The following PCDHGA10 variants were observed in gnomAD, a reference collection of about 807,000 sequenced individuals.
PCDHGA10 encodes protocadherin gamma subfamily A, 10.
Under a neutral mutation model 59.5 loss-of-function variants are expected in PCDHGA10, and 42 were observed. The ratio of observed to expected loss-of-function variants is 0.71; its 90% CI spans 0.55 to 0.91. PCDHGA10 has a LOEUF of 0.91. Among genes scored for constraint, PCDHGA10 ranks in the 40% least tolerant of loss-of-function variants. The pLI is 0.00. For missense variants in PCDHGA10, 1,111 were observed against 1,198.2 expected, an observed-to-expected ratio of 0.93 and a Z score of 1.07; for synonymous variants, 511 against 517.2, an observed-to-expected ratio of 0.99 and a Z score of 0.16.
intron 1 of PCDHGA10, among the ~76,000 whole-genome samples, chr5:141,437,236 C>A (rs2154557405): frequency 6.6e-6 from 1 of 152,278 alleles, no homozygotes; most frequent in South Asian, 2.1e-4. Context: ...AAAATTATGT[C>A]AAGGACTTTC....
rs570982273 is a variant in PCDHGA10, at chr5:141,476,764, G to T, written c.2437-18043G>T. On this transcript the variant is annotated intron_variant, in intron 1 of 3. Coordinates refer to ENST00000398610, the MANE Select transcript of PCDHGA10 (RefSeq NM_018913.3). This position sits in a 1 kb window ranked among gnomAD's most constrained non-coding sequence, Gnocchi z 7.6. ...CTAGTCTCCAGTTAGTGCTGACGGC[G>T]TTGGACGGAGGGACCCCAGCTCTCT... 1.2e-5 allele frequency: 19 copies of T among 1,613,794 alleles called. No individual in the cohort carries two copies. In the East Asian group the frequency reaches 3.8e-4, roughly 32 times the overall value.
chr5:141,489,300 C>A lies in PCDHGA10; in HGVS notation c.2437-5507C>A. On this transcript the variant is annotated intron_variant, in intron 1 of 3. Coordinates refer to ENST00000398610, the MANE Select transcript of PCDHGA10 (RefSeq NM_018913.3). The surrounding 1 kb of genome is among the most constrained non-coding windows in gnomAD (Gnocchi z 4.5). ...AATGGCAAGTGCTGTGCATGTTGTC[C>A]TTGTGCTGCTGGGGCTGGGTGTCTG... 1 of 1,585,698 alleles carries A rather than the reference C, an allele frequency of 6.3e-7. No homozygotes were observed. Among genetic ancestry groups the A allele is most frequent in the South Asian group, 1.2e-5 (1 of 85,012 alleles).
At chr5:141,423,091 G>C (rs1243671863) in intron 1 of PCDHGA10, 11 of 1,613,908 alleles carry the variant, frequency 6.8e-6, no homozygotes, top group South Asian at 2.2e-5. Context: ...CGCGGTGGGG[G>C]AGCACACGGG....
chr5:141,430,580 G>A, intron 1 of PCDHGA10: 1 of 478,526 alleles, frequency 2.1e-6, no homozygotes, highest in Admixed American at 3.8e-5. Context: ...CGGAGATCCT[G>A]CTCGCCTTGC....
chr5:141,419,138 A>C, intron 1 of PCDHGA10: 1 of 1,613,920 alleles, frequency 6.2e-7, no homozygotes, highest in Non-Finnish European at 8.5e-7. Context: ...AGCCACAGAC[A>C]GGGGCAAGCC....
Position 141,431,529 on chromosome 5 carries a change from T to C in PCDHGA10, c.2436+15918T>C, listed in dbSNP as rs145601545. 166 of 1,614,074 alleles carry C rather than the reference T, an allele frequency of 1.0e-4. No individual in the cohort carries two copies. In the African/African-American group the frequency reaches 2.0e-3, roughly 19 times the overall value. On this transcript the variant is annotated intron_variant, in intron 1 of 3. Coordinates refer to ENST00000398610, the MANE Select transcript of PCDHGA10 (RefSeq NM_018913.3). The surrounding 1 kb of genome is among the most constrained non-coding windows in gnomAD (Gnocchi z 4.8). The stretch of plus-strand genomic sequence containing the variant: ...GCGAGCGTTCCGGAGAATCTGGCCT[T>C]GGGCACGCAGCTGCTTGTAGTCAAC...
chr5:141,433,374 T>A (rs948922353), intron 1 of PCDHGA10, among the ~76,000 whole-genome samples: 36 of 150,958 alleles, frequency 2.4e-4, no homozygotes, highest in African/African-American at 8.6e-4. Flanking sequence ...TATCTATCTA[T>A]CTATCTATCT....
Position 141,490,652 on chromosome 5 carries a change from C to T in PCDHGA10, c.2437-4155C>T, listed in dbSNP as rs1277273880. The T allele has an allele frequency of 1.2e-6, 2 of 1,614,208 alleles. No individual in the cohort carries two copies. The highest frequency in any genetic ancestry group is 1.7e-6 in the Non-Finnish European group (2 of 1,180,026). On this transcript the variant is annotated intron_variant, in intron 1 of 3. Coordinates refer to ENST00000398610, the MANE Select transcript of PCDHGA10 (RefSeq NM_018913.3). The surrounding 1 kb of genome is among the most constrained non-coding windows in gnomAD (Gnocchi z 5.4). ...ATCCTAGAAAACCGGCCTCCGGGCT[C>T]CCTTCTTTGCACTGTGGCTGCCTCA...
chr5:141,431,222 C>T lies in PCDHGA10; in HGVS notation c.2436+15611C>T. On this transcript the variant is annotated intron_variant, in intron 1 of 3. Transcript: ENST00000398610. The surrounding 1 kb of genome is among the most constrained non-coding windows in gnomAD (Gnocchi z 4.8). ...AGCCACTGAGATGCGGTTCCCTCTA[C>T]CCCACGCCTGGGATCCGGATATCGG... The T allele has an allele frequency of 6.2e-7, 1 of 1,614,170 alleles. No individual in the cohort carries two copies. Among genetic ancestry groups the T allele is most frequent in the South Asian group, 1.1e-5 (1 of 91,090 alleles).
At chr5:141,428,245 C>A in intron 1 of PCDHGA10, 1 of 948,140 alleles carries the variant, frequency 1.1e-6, no homozygotes, top group South Asian at 1.4e-5. Flanking sequence ...GGAGGCACTG[C>A]CAGACTTCAG....
intron 1 of PCDHGA10, among the ~76,000 whole-genome samples, chr5:141,462,027 TG>T (rs1239347302): frequency 6.6e-6 from 1 of 152,220 alleles, no homozygotes; most frequent in African/African-American, 2.4e-5. Flanking sequence ...TTCTTCATGT[TG>T]GTCAGGCGGG....
intron 2 of PCDHGA10, among the ~76,000 whole-genome samples, chr5:141,505,007 C>T (rs1210694913): frequency 6.6e-6 from 1 of 152,050 alleles, no homozygotes; most frequent in Non-Finnish European, 1.5e-5. Flanking sequence ...ACTAAAAATA[C>T]AAAAATTAGC....
At chr5:141,469,721 A>G (rs1238006043) in intron 1 of PCDHGA10, among the ~76,000 whole-genome samples, 5 of 152,270 alleles carry the variant, frequency 3.3e-5, no homozygotes, top group African/African-American at 1.2e-4. Context: ...TTAGGAATTT[A>G]TCATAAATAC....
At chr5:141,506,237 T>G (rs558256375) in intron 3 of PCDHGA10, among the ~76,000 whole-genome samples, 1 of 152,014 alleles carries the variant, frequency 6.6e-6, no homozygotes, top group South Asian at 2.1e-4. Flanking sequence ...GATCATGAGG[T>G]CAGGAGTTCG....
chr5:141,431,435 GC>G lies in PCDHGA10; in HGVS notation c.2436+15825del. On this transcript the variant is annotated intron_variant, in intron 1 of 3. Coordinates refer to ENST00000398610, the MANE Select transcript of PCDHGA10 (RefSeq NM_018913.3). The surrounding 1 kb of genome is among the most constrained non-coding windows in gnomAD (Gnocchi z 4.8). The stretch of plus-strand genomic sequence containing the variant: ...GGGCGACCCGGTGCGCACAGGCACC[GC>G]GCGCATCCGCGTGATGGTTCTGGAT... 1.9e-6 allele frequency: 3 copies of G among 1,613,668 alleles called. No individual in the cohort carries two copies. The highest frequency in any genetic ancestry group is 2.5e-6 in the Non-Finnish European group (3 of 1,180,026).
chr5:141,467,775 C>T (rs1464827506), intron 1 of PCDHGA10, among the ~76,000 whole-genome samples: 1 of 151,960 alleles, frequency 6.6e-6, no homozygotes, highest in Non-Finnish European at 1.5e-5. Context: ...GCCCGCACCT[C>T]AGCCTCTCAA....
chr5:141,435,781 C>T (rs3828680), intron 1 of PCDHGA10, among the ~76,000 whole-genome samples: 81,882 of 151,942 alleles, frequency 0.54, 24,120 homozygotes, highest in African/African-American at 0.79. Flanking sequence ...TGTAAAGGTG[C>T]AGGGAAACAT....
At chr5:141,470,469 A>T (rs1423801455) in intron 1 of PCDHGA10, among the ~76,000 whole-genome samples, 1 of 152,194 alleles carries the variant, frequency 6.6e-6, no homozygotes, top group Non-Finnish European at 1.5e-5. Context: ...ATTTTCTGAT[A>T]TTACTAACCC....
In PCDHGA10 at chr5:141,486,587, G is replaced by A. The variant is rs2099631441; in HGVS notation, c.2437-8220G>A. 6.2e-7 allele frequency: 1 copy of A among 1,613,478 alleles called. No homozygotes were observed. The highest frequency in any genetic ancestry group is 1.7e-5 in the Admixed American group (1 of 60,014). On this transcript the variant is annotated intron_variant, in intron 1 of 3. Coordinates refer to ENST00000398610, the MANE Select transcript of PCDHGA10 (RefSeq NM_018913.3). The surrounding 1 kb of genome is among the most constrained non-coding windows in gnomAD (Gnocchi z 5.0). ...TGTTCCTGAGAACAATCGCCCAGGGGACCTGCTTTGCTCCCTTGCAGCCTC... is the reference window on the plus strand; with the variant it reads ...TGTTCCTGAGAACAATCGCCCAGGGAACCTGCTTTGCTCCCTTGCAGCCTC...
Sources: allele counts gnomAD v4.1 joint callset (sites outside exome capture counted in the v4.1 genomes callset), GRCh38; gene constraint gnomAD v4.1.1; non-coding constraint Gnocchi (gnomAD v3.1); transcripts MANE v1.5; gene names NCBI Gene and HGNC (gene_info 2026-07-23, HGNC 2026-07-21).